Variants in KIF26B observed in about 807,000 individuals in gnomAD.
KIF26B encodes the protein kinesin family member 26B, also known as kinesin-like protein KIF26B.
A neutral mutation model predicts 151.2 loss-of-function variants in KIF26B; 63 were observed. The observed-to-expected ratio is 0.42, with a 90% CI of 0.34 to 0.51. KIF26B has a LOEUF of 0.51. KIF26B is among the 20% of genes least tolerant of loss of function. The pLI, the probability that KIF26B is intolerant of heterozygous loss-of-function variation, is 0.07. For missense variants in KIF26B, 2,813 were observed against 2,913.6 expected, an observed-to-expected ratio of 0.97 and a Z score of 0.79; for synonymous variants, 1,357 against 1,262.1, an observed-to-expected ratio of 1.08 and a Z score of -1.59.
rs1200071908 is a variant in KIF26B, at chr1:245,241,786, C to A, written c.465+85103C>A. Among the ~76,000 whole-genome samples the A allele has an allele frequency of 6.6e-6, 1 of 152,194 alleles. No homozygotes were observed. The highest frequency in any genetic ancestry group is 6.5e-5 in the Admixed American group (1 of 15,276). On this transcript the variant is annotated intron_variant, in intron 2 of 14. Transcript: ENST00000407071. The surrounding 1 kb of genome is among the most constrained non-coding windows in gnomAD (Gnocchi z 5.0). ...GCGGCAGCGGGAGCACTGGGTGCAGCCTCTGGAAGGTCTGGAAGGTGCTTG... is the reference window on the plus strand; with the variant it reads ...GCGGCAGCGGGAGCACTGGGTGCAGACTCTGGAAGGTCTGGAAGGTGCTTG...
Position 245,241,251 on chromosome 1 carries a change from T to A in KIF26B, c.465+84568T>A, listed in dbSNP as rs1670206433. On this transcript the variant is annotated intron_variant, in intron 2 of 14. Coordinates refer to ENST00000407071, the MANE Select transcript of KIF26B (RefSeq NM_018012.4). This position sits in a 1 kb window ranked among gnomAD's most constrained non-coding sequence, Gnocchi z 5.0. Reference sequence around the variant, plus strand: ...TGAAGTGAAGGTGGAATGACCAGGATGGCCAGAGCCAGAGGAAGACCACGA... The same window carrying A: ...TGAAGTGAAGGTGGAATGACCAGGAAGGCCAGAGCCAGAGGAAGACCACGA... Among the ~76,000 whole-genome samples, 1 of 151,820 alleles carries A rather than the reference T, an allele frequency of 6.6e-6. No individual in the cohort carries two copies. Among genetic ancestry groups the A allele is most frequent in the Non-Finnish European group, 1.5e-5 (1 of 67,976 alleles).
chr1:245,560,188 T>C lies in KIF26B; in HGVS notation c.1350+19238T>C, dbSNP rs1490084118. Among the ~76,000 whole-genome samples, 3 of 152,168 alleles carry C rather than the reference T, an allele frequency of 2.0e-5. No individual in the cohort carries two copies. The highest frequency in any genetic ancestry group is 1.3e-4 in the Admixed American group (2 of 15,276). ...AGGGGCTGTATCTTACTTGCCCCTT[T>C]TTGCATTTATTCATGTGGATACATA... On this transcript the variant is annotated intron_variant, in intron 5 of 14. Coordinates refer to ENST00000407071, the MANE Select transcript of KIF26B (RefSeq NM_018012.4). The surrounding 1 kb of genome is among the most constrained non-coding windows in gnomAD (Gnocchi z 4.3).
At chr1:245,539,518 T>A (rs1032359949) in intron 4 of KIF26B, among the ~76,000 whole-genome samples, 4 of 152,216 alleles carry the variant, frequency 2.6e-5, no homozygotes, top group Admixed American at 2.0e-4. Flanking sequence ...TTAGAATCCT[T>A]AGAATAAGAG....
intron 5 of KIF26B, among the ~76,000 whole-genome samples, chr1:245,566,518 C>T (rs556534273): frequency 5.3e-5 from 8 of 152,336 alleles, no homozygotes; most frequent in African/African-American, 1.9e-4. Context: ...AATACAGTTG[C>T]TTGTGCTGAG....
Position 245,367,339 on chromosome 1 carries a change from C to A in KIF26B, c.971C>A (p.Thr324Asn). 6.3e-7 allele frequency: 1 copy of A among 1,593,598 alleles called. No homozygotes were observed. Among genetic ancestry groups the A allele is most frequent in the Non-Finnish European group, 8.5e-7 (1 of 1,170,238 alleles). The change falls in exon 3 of 15, where the codon ACC becomes AAC. Residue 324 changes from threonine (T) to asparagine (N), a missense_variant. Physicochemically the swap from Thr to Asn is moderately conservative, Grantham distance 65 (BLOSUM62 0). Around this residue, in one of 3 missense-constraint regions of KIF26B, gnomAD observed 676 missense variants for 688.1 expected, o/e 0.98. Coordinates refer to ENST00000407071, the MANE Select transcript of KIF26B (RefSeq NM_018012.4). The surrounding 1 kb of genome is among the most constrained non-coding windows in gnomAD (Gnocchi z 4.2). Reference protein sequence around the residue: ...YLDGTWSLSRTNGVTLYPYQI... With the variant: ...YLDGTWSLSRNNGVTLYPYQI... ...GATGGCACCTGGTCCCTGTCGAGAA[C>A]CAACGGGGTCACCCTGTACCCATAC...
rs1039686589 is a variant in KIF26B, at chr1:245,227,016, A to G, written c.465+70333A>G. Among the ~76,000 whole-genome samples the G allele has an allele frequency of 3.9e-5, 6 of 152,180 alleles. No homozygotes were observed. The highest frequency in any genetic ancestry group is 1.4e-4 in the African/African-American group (6 of 41,446). ...TCTTTCAGATTCTTGAAAGACAGGCAGCTTGTTTCGAATGACCCACAGGGA... is the reference window on the plus strand; with the variant it reads ...TCTTTCAGATTCTTGAAAGACAGGCGGCTTGTTTCGAATGACCCACAGGGA... On this transcript the variant is annotated intron_variant, in intron 2 of 14. Coordinates refer to ENST00000407071, the MANE Select transcript of KIF26B (RefSeq NM_018012.4). This position sits in a 1 kb window ranked among gnomAD's most constrained non-coding sequence, Gnocchi z 4.1.
intron 2 of KIF26B, among the ~76,000 whole-genome samples, chr1:245,332,745 A>G (rs527552511): frequency 5.3e-5 from 8 of 152,274 alleles, no homozygotes; most frequent in African/African-American, 1.9e-4. Context: ...GCCCAGCACT[A>G]TGACCTGGCT....
intron 2 of KIF26B, among the ~76,000 whole-genome samples, chr1:245,180,292 CAGAGAGAG>C (rs34346823): frequency 0.016 from 2,324 of 148,620 alleles, 54 homozygotes; most frequent in African/African-American, 0.054. Context: ...CTGCAGGTAG[CAGAGAGAG>C]AGAGAGAGAG....
intron 9 of KIF26B, among the ~76,000 whole-genome samples, chr1:245,618,064 G>C (rs747289455): frequency 6.6e-6 from 1 of 152,290 alleles, no homozygotes; most frequent in African/African-American, 2.4e-5. Flanking sequence ...ACAGAAGGAA[G>C]AGAAGGAGGC....
intron 5 of KIF26B, among the ~76,000 whole-genome samples, chr1:245,550,632 T>C (rs1045149020): frequency 2.6e-5 from 4 of 152,222 alleles, no homozygotes; most frequent in African/African-American, 4.8e-5. Flanking sequence ...GCAGTGAGAT[T>C]GGTGCAGTCA....
At chr1:245,696,739 T>C (rs900154496) in intron 12 of KIF26B, among the ~76,000 whole-genome samples, 4 of 152,194 alleles carry the variant, frequency 2.6e-5, no homozygotes, top group African/African-American at 9.7e-5. Context: ...TTAGTTTCGT[T>C]AGTTGGGGCC....
At position 245,564,657 on chromosome 1, in the gene KIF26B, G is replaced by C. The variant is rs994984289; in HGVS notation, c.1350+23707G>C. Among the ~76,000 whole-genome samples the C allele has an allele frequency of 1.3e-5, 2 of 152,190 alleles. No homozygotes were observed. The highest frequency in any genetic ancestry group is 1.3e-4 in the Admixed American group (2 of 15,286). On this transcript the variant is annotated intron_variant, in intron 5 of 14. Coordinates refer to ENST00000407071, the MANE Select transcript of KIF26B (RefSeq NM_018012.4). The surrounding 1 kb of genome is among the most constrained non-coding windows in gnomAD (Gnocchi z 4.6). ...AGCACAGCAAATGGCACAGACTCGA[G>C]GGAATGTTTTCCTTCCGGAACAACA...
chr1:245,222,043 C>G (rs1175891958), intron 2 of KIF26B, among the ~76,000 whole-genome samples: 1 of 152,210 alleles, frequency 6.6e-6, no homozygotes, highest in Non-Finnish European at 1.5e-5. Flanking sequence ...GAGTGCAACT[C>G]TAGAGTACAT....
intron 10 of KIF26B, among the ~76,000 whole-genome samples, chr1:245,676,737 A>G (rs1572195415): frequency 6.6e-6 from 1 of 152,220 alleles, no homozygotes; most frequent in South Asian, 2.1e-4. Flanking sequence ...CATACTTGCA[A>G]TGTAAAACCT....
chr1:245,173,998 G>T (rs1049790006), intron 2 of KIF26B, among the ~76,000 whole-genome samples: 3 of 152,224 alleles, frequency 2.0e-5, no homozygotes, highest in Non-Finnish European at 4.4e-5. Flanking sequence ...TAAACACATT[G>T]AGCCGGCAAA....
intron 2 of KIF26B, among the ~76,000 whole-genome samples, chr1:245,316,673 T>C (rs991469408): frequency 6.6e-6 from 1 of 152,230 alleles, no homozygotes; most frequent in African/African-American, 2.4e-5. Flanking sequence ...GTCTGCAAGC[T>C]TAAAATACCT....
intron 10 of KIF26B, among the ~76,000 whole-genome samples, chr1:245,663,037 A>G (rs1273074244): frequency 2.1e-5 from 3 of 142,942 alleles, no homozygotes; most frequent in Non-Finnish European, 3.0e-5. Context: ...ATCTCTCTCC[A>G]TTCTTCCCTT....
At chr1:245,552,280 G>T (rs775389673) in intron 5 of KIF26B, among the ~76,000 whole-genome samples, 110 of 152,010 alleles carry the variant, frequency 7.2e-4, no homozygotes, top group Non-Finnish European at 8.5e-4. Flanking sequence ...GTCCAAAGGC[G>T]GGCAGCCGAC....
intron 9 of KIF26B, among the ~76,000 whole-genome samples, chr1:245,640,160 T>TATATATATATATACACAC (rs796722836): frequency 7.3e-5 from 4 of 54,848 alleles, no homozygotes; most frequent in Non-Finnish European, 1.1e-4. Flanking sequence ...TATATATATA[T>TATATATATATATACACAC]ACCCTGCTAT....
Sources: gnomAD v4.1 joint callset for allele counts (sites outside exome capture counted in the v4.1 genomes callset) on GRCh38, gnomAD v4.1.1 for gene constraint, gnomAD v4.1.1 regional missense constraint, Gnocchi (gnomAD v3.1) non-coding constraint, MANE v1.5 for transcripts, NCBI Gene and HGNC (gene_info 2026-07-23, HGNC 2026-07-21) for gene names.